PITPNM3: variants seen among roughly 807,000 people sequenced by gnomAD.
PITPNM3 encodes the protein PITPNM family member 3, also known as membrane-associated phosphatidylinositol transfer protein 3.
PITPNM3 carries 26 observed loss-of-function variants against 102.0 expected under a neutral mutation model. The observed-to-expected ratio is 0.25, with a 90% CI of 0.19 to 0.35. The LOEUF is 0.35. Ranked by LOEUF, PITPNM3 falls within the 10% of genes least tolerant of loss-of-function variation. The pLI, the probability that PITPNM3 is intolerant of heterozygous loss-of-function variation, is 1.00. For missense variants in PITPNM3, 1,083 were observed against 1,346.1 expected, an observed-to-expected ratio of 0.80 and a Z score of 3.06; for synonymous variants, 578 against 558.6, an observed-to-expected ratio of 1.03 and a Z score of -0.49.
chr17:6,475,237 C>T (rs1454738835), intron 9 of PITPNM3, among the ~76,000 whole-genome samples: 1 of 152,178 alleles, frequency 6.6e-6, no homozygotes, highest in Non-Finnish European at 1.5e-5. Context: ...TGAAGCAGAG[C>T]TTAAGGAGAA....
chr17:6,554,052 C>T (rs1260429097), intron 1 of PITPNM3, among the ~76,000 whole-genome samples: 1 of 152,098 alleles, frequency 6.6e-6, no homozygotes, highest in Non-Finnish European at 1.5e-5. Context: ...GGCGCAGTGC[C>T]TCACACCTGT....
In PITPNM3 at chr17:6,454,782, C is replaced by G. The variant is rs4796500; in HGVS notation, c.*556G>C. The G allele has an allele frequency of 0.55, 84,577 of 153,422 alleles. 24,320 individuals are homozygous for G. Among genetic ancestry groups the G allele is most frequent in the Middle Eastern group, 0.72 (213 of 296 alleles). The allele number at this position is 153,422 out of a possible 1,614,324, so 9.5% of individuals were successfully genotyped here. On this transcript the variant is annotated 3_prime_UTR_variant, in exon 20 of 20. Transcript: ENST00000262483. ...CCCCGAGGGCTGTGGACAGAGACGG[C>G]GTAACATGAGCCCGGGGATGTGCTC...
Position 6,464,880 on chromosome 17 carries a change from A to G in PITPNM3, c.1891-109T>C, listed in dbSNP as rs1198885164. ...TGGAGGCATATCAGCTTGCTGAATC[A>G]TGTCTCTCTACTAACTTCTGCTAGA... On this transcript the variant is annotated intron_variant, in intron 14 of 19. Coordinates refer to ENST00000262483, the MANE Select transcript of PITPNM3 (RefSeq NM_031220.4). 13 of 1,023,016 alleles carry G rather than the reference A, an allele frequency of 1.3e-5. No individual in the cohort carries two copies. In the South Asian group the frequency reaches 1.5e-4, roughly 12 times the overall value. The allele number at this position is 1,023,016 out of a possible 1,614,324, so 63.4% of individuals were successfully genotyped here.
intron 19 of PITPNM3, among the ~76,000 whole-genome samples, chr17:6,456,435 T>C (rs564778978): frequency 6.6e-6 from 1 of 152,176 alleles, no homozygotes; most frequent in Non-Finnish European, 1.5e-5. Context: ...GCCCTGCGAC[T>C]GCCCTCCTTG....
chr17:6,548,506 G>A (rs1201161103), intron 1 of PITPNM3, among the ~76,000 whole-genome samples: 1 of 152,092 alleles, frequency 6.6e-6, no homozygotes, highest in Non-Finnish European at 1.5e-5. Flanking sequence ...AGGAGCAAGG[G>A]GAAGAGAAGG....
chr17:6,519,149 A>G (rs1427146821), intron 3 of PITPNM3, among the ~76,000 whole-genome samples: 1 of 145,372 alleles, frequency 6.9e-6, no homozygotes, highest in African/African-American at 2.6e-5. Flanking sequence ...CGTCCTGGCT[A>G]ACAAGGTGAA....
chr17:6,498,502 T>C (rs1282090252), intron 4 of PITPNM3, among the ~76,000 whole-genome samples: 2 of 152,050 alleles, frequency 1.3e-5, no homozygotes, highest in African/African-American at 2.4e-5. Context: ...TCTGACACGC[T>C]GAAGGGAGGA....
At chr17:6,540,424 C>T (rs781103368) in intron 1 of PITPNM3, among the ~76,000 whole-genome samples, 22 of 152,172 alleles carry the variant, frequency 1.4e-4, no homozygotes, top group Non-Finnish European at 2.2e-4. Flanking sequence ...AAAGAACAGA[C>T]AGACTTGAAT....
Position 6,474,537 on chromosome 17 carries a change from C to T in PITPNM3, c.1153G>A (p.Val385Ile). The T allele has an allele frequency of 6.2e-7, 1 of 1,609,762 alleles. No individual in the cohort carries two copies. Among genetic ancestry groups the T allele is most frequent in the Non-Finnish European group, 8.5e-7 (1 of 1,178,420 alleles). ...TCGAAGTCAAAGCGGCCCAGGCTGA[C>T]CTCAGGGAGCTGCGGCCCCCCAGCC... ...PAAGGPQLPE[V>I]SLGRFDFDVS... is the part of the protein sequence containing the mutation. The change falls in exon 10 of 20, where the codon GTC becomes ATC. Residue 385 changes from valine (V) to isoleucine (I), a missense_variant. Val to Ile is a conservative substitution (Grantham distance 29, BLOSUM62 3). Around this residue, in one of 5 missense-constraint regions of PITPNM3, gnomAD observed 172 missense variants for 175.6 expected, o/e 0.98. Transcript: ENST00000262483.
chr17:6,473,737 G>A (rs1650094511), intron 10 of PITPNM3, among the ~76,000 whole-genome samples: 1 of 152,152 alleles, frequency 6.6e-6, no homozygotes, highest in South Asian at 2.1e-4. Context: ...AGCAATTTGG[G>A]AGGCCAAGGC....
intron 3 of PITPNM3, among the ~76,000 whole-genome samples, chr17:6,509,080 A>T (rs755064134): frequency 2.6e-4 from 40 of 152,178 alleles, no homozygotes; most frequent in Non-Finnish European, 3.7e-4. Flanking sequence ...AGGATGGGCT[A>T]CAAGGAACTG....
Position 6,457,515 on chromosome 17 carries a change from T to C in PITPNM3, c.2619+79A>G. On this transcript the variant is annotated intron_variant, in intron 19 of 19. Coordinates refer to ENST00000262483, the MANE Select transcript of PITPNM3 (RefSeq NM_031220.4). The surrounding 1 kb of genome is among the most constrained non-coding windows in gnomAD (Gnocchi z 4.7). ...GGGAATGAACAAATGAATGAATGAA[T>C]GAATGAAGTGCTTACTCCCTCTATC... 4 of 1,591,170 alleles carry C rather than the reference T, an allele frequency of 2.5e-6. No individual in the cohort carries two copies. Among genetic ancestry groups the C allele is most frequent in the South Asian group, 1.1e-5 (1 of 88,818 alleles).
At chr17:6,538,188 T>A in intron 1 of PITPNM3, 106 bp from the exon 2 acceptor site, 2 of 790,386 alleles carry the variant, frequency 2.5e-6, no homozygotes, top group Admixed American at 4.0e-5. Flanking sequence ...ATCCTGCACA[T>A]CTGTGCCCTC....
rs1416518538 is a variant in PITPNM3 at position 6,464,647 on chromosome 17, C to T, written c.2007+8G>A. 6.2e-7 allele frequency: 1 copy of T among 1,612,214 alleles called. No homozygotes were observed. The highest frequency in any genetic ancestry group is 8.5e-7 in the Non-Finnish European group (1 of 1,178,414). ...GTGGCTGAGGAGGGGAGGCCCAGCC[C>T]CAGGTACCTTCTCTCCAGTCAGAGC... On this transcript the variant is annotated splice_region_variant and intron_variant, in intron 15 of 19. Transcript: ENST00000262483.
In PITPNM3 at chr17:6,556,263, T is replaced by C; in HGVS notation, c.22+122A>G. ...GAGGTCCAGCCCCGCTACCGCCCCC[T>C]ACGCCCTCCCGGGACCTCCGCCCAC... On this transcript the variant is annotated intron_variant, in intron 1 of 19. Transcript: ENST00000262483. This position sits in a 1 kb window ranked among gnomAD's most constrained non-coding sequence, Gnocchi z 5.2. 1.3e-6 allele frequency: 1 copy of C among 785,124 alleles called. No individual in the cohort carries two copies. The highest frequency in any genetic ancestry group is 1.8e-6 in the Non-Finnish European group (1 of 568,736). 48.6% of individuals were successfully genotyped at this position (785,124 alleles called of 1,614,324 possible).
At chr17:6,549,192 A>T (rs1597421459) in intron 1 of PITPNM3, among the ~76,000 whole-genome samples, 1 of 151,482 alleles carries the variant, frequency 6.6e-6, no homozygotes, top group Non-Finnish European at 1.5e-5. Context: ...GGCAGATGCA[A>T]CCCCCCGCAG....
chr17:6,499,451 G>C (rs900129731), intron 4 of PITPNM3, among the ~76,000 whole-genome samples: 1 of 152,152 alleles, frequency 6.6e-6, no homozygotes, highest in Non-Finnish European at 1.5e-5. Flanking sequence ...CCAACTCTTG[G>C]GGAAACACTG....
rs767619664 is a variant in PITPNM3, at chr17:6,470,344, C to A, written c.1689G>T (p.Thr563=). The change falls in exon 13 of 20, where the codon ACG becomes ACT. Residue 563 remains threonine (T), a synonymous_variant. Transcript: ENST00000262483. The surrounding 1 kb of genome is among the most constrained non-coding windows in gnomAD (Gnocchi z 4.8). ...GGGGCAGGGCCACGGTGGGGAAGGC[C>A]GTGAGGACATCAGGGCAGTACAGGG... is the stretch of plus-strand genomic sequence containing the variant. ...DYALYCPDVL[T]AFPTVALPHL... is the part of the protein sequence containing the mutation. The A allele has an allele frequency of 6.2e-7, 1 of 1,614,126 alleles. No homozygotes were observed. The highest frequency in any genetic ancestry group is 8.5e-7 in the Non-Finnish European group (1 of 1,180,012).
At chr17:6,494,272 G>A (rs986287422) in intron 4 of PITPNM3, among the ~76,000 whole-genome samples, 5 of 152,184 alleles carry the variant, frequency 3.3e-5, no homozygotes, top group African/African-American at 1.2e-4. Flanking sequence ...AGAAAGGAAT[G>A]GTCTCTTTGC....
Sources: gnomAD v4.1 joint callset for allele counts (sites outside exome capture counted in the v4.1 genomes callset) on GRCh38, gnomAD v4.1.1 for gene constraint, gnomAD v4.1.1 regional missense constraint, Gnocchi (gnomAD v3.1) non-coding constraint, MANE v1.5 for transcripts, NCBI Gene and HGNC (gene_info 2026-07-23, HGNC 2026-07-21) for gene names.